PPP2R2B: variants seen among roughly 807,000 people sequenced by gnomAD.
The protein encoded by PPP2R2B is serine/threonine-protein phosphatase 2A 55 kDa regulatory subunit B beta isoform.
In PPP2R2B, 5 loss-of-function variants were observed where a neutral mutation model predicts 46.0. The ratio of observed to expected loss-of-function variants is 0.11; its 90% confidence interval spans 0.06 to 0.23. The LOEUF is 0.23. PPP2R2B is among the 10% of genes least tolerant of loss of function. PPP2R2B has a pLI of 1.00. For missense variants in PPP2R2B, 367 were observed against 575.0 expected, an observed-to-expected ratio of 0.64 and a Z score of 3.70; for synonymous variants, 215 against 206.7, an observed-to-expected ratio of 1.04 and a Z score of -0.34.
chr5:147,017,850 A>G (rs1440499294), intron 1 of PPP2R2B, among the ~76,000 whole-genome samples: 2 of 152,166 alleles, frequency 1.3e-5, no homozygotes, highest in African/African-American at 4.8e-5. Flanking sequence ...AAAGCTTCCA[A>G]CATTCCTGTT....
intron 2 of PPP2R2B, among the ~76,000 whole-genome samples, chr5:146,806,767 G>C (rs888309240): frequency 6.6e-6 from 1 of 152,166 alleles, no homozygotes; most frequent in East Asian, 1.9e-4. Flanking sequence ...TTTTATCCTT[G>C]GCTGACAAAT....
intron 7 of PPP2R2B, among the ~76,000 whole-genome samples, chr5:146,620,955 C>G (rs1474496479): frequency 6.6e-6 from 1 of 152,242 alleles, no homozygotes; most frequent in East Asian, 1.9e-4. Flanking sequence ...TGCCCCGTTT[C>G]CAAGGCTGTC....
intron 7 of PPP2R2B, among the ~76,000 whole-genome samples, chr5:146,603,413 A>T (rs1771964337): frequency 6.6e-6 from 1 of 152,264 alleles, no homozygotes; most frequent in Non-Finnish European, 1.5e-5. Context: ...TTTCCCAAAT[A>T]CTTGGCATAT....
At chr5:146,854,424 G>A (rs1760528430) in intron 2 of PPP2R2B, among the ~76,000 whole-genome samples, 1 of 152,030 alleles carries the variant, frequency 6.6e-6, no homozygotes, top group South Asian at 2.1e-4. Flanking sequence ...ATGTGTTGGG[G>A]ACATTTCAAA....
At chr5:146,629,796 C>T (rs1479917091) in intron 7 of PPP2R2B, among the ~76,000 whole-genome samples, 2 of 150,474 alleles carry the variant, frequency 1.3e-5, no homozygotes, top group African/African-American at 4.9e-5. Flanking sequence ...CCCCTTTCTC[C>T]TTTCTTTCCT....
intron 1 of PPP2R2B, among the ~76,000 whole-genome samples, chr5:147,005,873 AG>A (rs1754414318): frequency 6.6e-6 from 1 of 152,210 alleles, no homozygotes; most frequent in Admixed American, 6.5e-5. Context: ...TTTAAAAGCC[AG>A]GGTAAATTTA....
At chr5:147,063,332 T>C (rs1291590591) in intron 2 of PPP2R2B, among the ~76,000 whole-genome samples, 1 of 152,176 alleles carries the variant, frequency 6.6e-6, no homozygotes. Context: ...ACAGTTTTAC[T>C]AAAACAGCTA....
At chr5:146,909,491 A>C (rs1763109070) in intron 1 of PPP2R2B, among the ~76,000 whole-genome samples, 1 of 152,194 alleles carries the variant, frequency 6.6e-6, no homozygotes, top group Non-Finnish European at 1.5e-5. Flanking sequence ...ATTTATTTGC[A>C]TTCATAATCT....
chr5:146,928,388 C>T (rs1280698782), intron 1 of PPP2R2B, among the ~76,000 whole-genome samples: 1 of 151,890 alleles, frequency 6.6e-6, no homozygotes, highest in Non-Finnish European at 1.5e-5. Context: ...TGAACTGTTC[C>T]CACCTGGGGC....
chr5:147,021,851 A>G (rs1755281545), intron 1 of PPP2R2B, among the ~76,000 whole-genome samples: 1 of 152,236 alleles, frequency 6.6e-6, no homozygotes. Context: ...AGTCAATAGA[A>G]GCAAACTCTA....
intron 2 of PPP2R2B, among the ~76,000 whole-genome samples, chr5:146,831,496 CTCAAAAAAA>C (rs1194833014): frequency 5.2e-4 from 30 of 58,238 alleles, no homozygotes; most frequent in Non-Finnish European, 6.5e-4. Context: ...GACTCCATCT[CTCAAAAAAA>C]AAAAAAAAAA....
At chr5:146,957,035 A>C (rs1373429487) in intron 1 of PPP2R2B, among the ~76,000 whole-genome samples, 1 of 152,212 alleles carries the variant, frequency 6.6e-6, no homozygotes, top group Non-Finnish European at 1.5e-5. Context: ...CTATAGCCAT[A>C]TCCTAGAGTT....
intron 5 of PPP2R2B, among the ~76,000 whole-genome samples, chr5:146,676,649 C>A (rs1320704014): frequency 1.3e-5 from 2 of 152,126 alleles, no homozygotes; most frequent in Non-Finnish European, 2.9e-5. Context: ...TCTAGAGGCC[C>A]CATTACACTG....
intron 2 of PPP2R2B, among the ~76,000 whole-genome samples, chr5:146,825,712 G>A (rs994347423): frequency 6.6e-6 from 1 of 152,172 alleles, no homozygotes; most frequent in African/African-American, 2.4e-5. Context: ...AGAGGTGATT[G>A]AAAGCCACTA....
chr5:146,705,640 T>G (rs1169746080), intron 2 of PPP2R2B, among the ~76,000 whole-genome samples: 2 of 152,156 alleles, frequency 1.3e-5, no homozygotes, highest in Non-Finnish European at 2.9e-5. Context: ...CGGTCCAAAG[T>G]CAGCATCCAT....
intron 2 of PPP2R2B, among the ~76,000 whole-genome samples, chr5:146,776,772 T>TA (rs1049422252): frequency 1.3e-4 from 19 of 151,308 alleles, no homozygotes; most frequent in African/African-American, 4.1e-4. Flanking sequence ...ATATCCAGAG[T>TA]AAAAAAATAA....
At chr5:146,598,227 G>A (rs13165086) in intron 8 of PPP2R2B, among the ~76,000 whole-genome samples, 92,016 of 152,076 alleles carry the variant, frequency 0.61, 28,906 homozygotes, top group Admixed American at 0.69. Context: ...ATCCAAGTTC[G>A]TAGTCTTCTG....
chr5:146,882,307 A>G (rs1762193964), upstream of PPP2R2B, among the ~76,000 whole-genome samples: 1 of 151,880 alleles, frequency 6.6e-6, no homozygotes. Context: ...TGCCAAGGAT[A>G]TAGATTTATA....
At chr5:146,680,675 T>TTG (rs1271950682) in intron 5 of PPP2R2B, among the ~76,000 whole-genome samples, 1 of 152,180 alleles carries the variant, frequency 6.6e-6, no homozygotes, top group African/African-American at 2.4e-5. Flanking sequence ...CCAGAGACAT[T>TTG]TGTGTGAGAC....
Sources: allele counts gnomAD v4.1 joint callset (sites outside exome capture counted in the v4.1 genomes callset), GRCh38; gene constraint gnomAD v4.1.1; transcripts MANE v1.5; gene names NCBI Gene and HGNC (gene_info 2026-07-23, HGNC 2026-07-21).